Variants in TMC3 observed in about 807,000 individuals in gnomAD.
TMC3 encodes transmembrane channel like 3, also known as transmembrane channel-like protein 3.
A neutral mutation model predicts 110.6 loss-of-function variants in TMC3; 98 were observed. The observed-to-expected ratio is 0.89, with a 90% CI of 0.75 to 1.05. The LOEUF is 1.05. TMC3 is among the 50% of genes least tolerant of loss of function. The probability of loss-of-function intolerance (pLI) is 0.00; values close to 1 mark genes in which losing one functional copy is unlikely to be tolerated. For synonymous variants in TMC3, 489 were observed against 513.1 expected (o/e 0.95, Z 0.63); for missense variants, 1,319 against 1,373.2 (o/e 0.96, Z 0.62).
chr15:81,357,911 T>C lies in TMC3; in HGVS notation c.743+238A>G, dbSNP rs1894100240. 2.0e-5 allele frequency among the ~76,000 whole-genome samples: 3 copies of C among 152,210 alleles called. No homozygotes were observed. In the South Asian group the frequency reaches 6.2e-4, roughly 31 times the overall value. On this transcript the variant is annotated intron_variant, in intron 7 of 21. Coordinates refer to ENST00000359440, the MANE Select transcript of TMC3 (RefSeq NM_001080532.3). Reference sequence around the variant, plus strand: ...AGTGTTCAATAAGTACTTGTTAAAATGAACATGCCTCTTTTAGCCTTGGTT... The same window carrying C: ...AGTGTTCAATAAGTACTTGTTAAAACGAACATGCCTCTTTTAGCCTTGGTT...
chr15:81,344,027 T>C lies in TMC3; in HGVS notation c.1537A>G (p.Ile513Val), dbSNP rs767128735. Residue 513 changes from isoleucine to valine, a missense_variant, in exon 14 of 22, where the codon ATC (isoleucine) becomes GTC (valine). Physicochemically the swap from Ile to Val is conservative, Grantham distance 29. Coordinates refer to ENST00000359440, the MANE Select transcript of TMC3 (RefSeq NM_001080532.3). Reference sequence around the variant, plus strand: ...GCCACGGTGAAGAGCATGTCAATGATGGAGAGCTTCAGCATCTCCTGAAAC... The same window carrying C: ...GCCACGGTGAAGAGCATGTCAATGACGGAGAGCTTCAGCATCTCCTGAAAC... ...YVGQEMLKLS[I>V]IDMLFTVASI... The C allele has an allele frequency of 1.2e-5, 20 of 1,611,088 alleles. No individual in the cohort carries two copies. Among genetic ancestry groups the C allele is most frequent in the Admixed American group, 1.7e-5 (1 of 59,962 alleles).
chr15:81,351,689 G>A lies in TMC3; in HGVS notation c.1083+5C>T. The A allele has an allele frequency of 6.4e-7, 1 of 1,552,624 alleles. No homozygotes were observed. Among genetic ancestry groups the A allele is most frequent in the Non-Finnish European group, 8.7e-7 (1 of 1,147,440 alleles). ...TAGGGTGCTGCAGGTAATGGCAGTG[G>A]GTACCTCATTCTTTTCCCAAAGTGT... is the stretch of plus-strand genomic sequence containing the variant. On this transcript the variant is annotated splice_donor_5th_base_variant and intron_variant, in intron 10 of 21. Transcript: ENST00000359440.
At position 81,336,530 on chromosome 15, in the gene TMC3, T is replaced by C. The variant is rs139364886; in HGVS notation, c.2203+79A>G. The stretch of plus-strand genomic sequence containing the variant: ...TTGCAGTGAGCCGAGATCACACCAC[T>C]GCACTCCAGCCTGGGCGACAGAGCA... On this transcript the variant is annotated intron_variant, in intron 20 of 21. Coordinates refer to ENST00000359440, the MANE Select transcript of TMC3 (RefSeq NM_001080532.3). 6,677 of 1,391,124 alleles carry C rather than the reference T, an allele frequency of 4.8e-3. 230 individuals are homozygous for C. The African/African-American group carries it at 0.076, about 16-fold the overall frequency. 86.2% of individuals were successfully genotyped at this position (1,391,124 alleles called of 1,614,324 possible).
In TMC3 at chr15:81,338,700, T is replaced by G; in HGVS notation, c.2036A>C (p.His679Pro). ...CAGGATGACCACGGGGCTACTGATGTGTCCAACCACGGAGCCAAACCACAC... is the reference window on the plus strand; with the variant it reads ...CAGGATGACCACGGGGCTACTGATGGGTCCAACCACGGAGCCAAACCACAC... ...FPVWFGSVVGHISSPVVILPA... is the reference protein window; with the variant it reads ...FPVWFGSVVGPISSPVVILPA... The change falls in exon 18 of 22, where the codon CAC becomes CCC. Residue 679 changes from histidine (H) to proline (P), a missense_variant. Transcript: ENST00000359440. 2 of 1,614,058 alleles carry G rather than the reference T, an allele frequency of 1.2e-6. No homozygotes were observed. The highest frequency in any genetic ancestry group is 1.1e-5 in the South Asian group (1 of 91,088).
Position 81,349,539 on chromosome 15 carries a change from A to T in TMC3, c.1112T>A (p.Met371Lys). 6.4e-7 allele frequency: 1 copy of T among 1,556,334 alleles called. No homozygotes were observed. The highest frequency in any genetic ancestry group is 8.7e-7 in the Non-Finnish European group (1 of 1,149,982). The change falls in exon 11 of 22, where the codon ATG becomes AAG. Residue 371 changes from methionine to lysine, a missense_variant. Physicochemically the swap from Met to Lys is moderately conservative, Grantham distance 95. Transcript: ENST00000359440. ...GAGGTCAAAGGCTGATGGTGCTATC[A>T]TGGTGACGAGGGAGACCACCACACT... is the stretch of plus-strand genomic sequence containing the variant. ...EVSVVVSLVT[M>K]IAPSAFDLIA...
At chr15:81,362,629 C>A (rs1191370036) in intron 3 of TMC3, among the ~76,000 whole-genome samples, 4 of 152,156 alleles carry the variant, frequency 2.6e-5, no homozygotes, top group Non-Finnish European at 5.9e-5. Context: ...CCATCCCATT[C>A]CTGATGAGGG....
In TMC3 at chr15:81,333,140, T is replaced by C; in HGVS notation, c.2582A>G (p.Gln861Arg). Reference sequence around the variant, plus strand: ...TCCACGGTGAGGAGGGTTGATTTGCTGAAAGTCTTTTCGGAAAAGAGGTTC... The same window carrying C: ...TCCACGGTGAGGAGGGTTGATTTGCCGAAAGTCTTTTCGGAAAAGAGGTTC... ...HSEPLFRKDF[Q>R]QINPPHRGPQ... The change falls in exon 22 of 22, where the codon CAG becomes CGG. Residue 861 changes from glutamine (Q) to arginine (R), a missense_variant. Gln to Arg is a conservative substitution (Grantham distance 43). Transcript: ENST00000359440. The C allele has an allele frequency of 6.2e-7, 1 of 1,614,076 alleles. No individual in the cohort carries two copies. The highest frequency in any genetic ancestry group is 8.5e-7 in the Non-Finnish European group (1 of 1,179,900).
intron 3 of TMC3, among the ~76,000 whole-genome samples, chr15:81,362,658 G>GA (rs941592882): frequency 5.3e-5 from 8 of 151,242 alleles, no homozygotes; most frequent in East Asian, 1.9e-4. Context: ...TGCTCTTTGA[G>GA]AAAAAAAAAT....
chr15:81,334,979 C>T lies in TMC3; in HGVS notation c.2204-4G>A, dbSNP rs1479759345. ...TCTTCCTGGGTCTGGATTCGGGCTG[C>T]AGGGAGAGGGAGGTGTTGTGAGAAG... is the stretch of plus-strand genomic sequence containing the variant. On this transcript the variant is annotated splice_polypyrimidine_tract_variant and splice_region_variant and intron_variant, in intron 20 of 21. Coordinates refer to ENST00000359440, the MANE Select transcript of TMC3 (RefSeq NM_001080532.3). The T allele has an allele frequency of 5.6e-6, 9 of 1,612,824 alleles. No individual in the cohort carries two copies. In the African/African-American group the frequency reaches 1.2e-4, roughly 22 times the overall value.
Position 81,374,048 on chromosome 15 carries a change from A to G in TMC3, c.30T>C (p.Tyr10=), listed in dbSNP as rs368415108. 12 of 1,613,712 alleles carry G rather than the reference A, an allele frequency of 7.4e-6. No individual in the cohort carries two copies. Among genetic ancestry groups the G allele is most frequent in the African/African-American group, 5.3e-5 (4 of 74,898 alleles). The change falls in exon 1 of 22, where the codon TAT becomes TAC. Residue 10 remains tyrosine, a synonymous_variant. Transcript: ENST00000359440. MKTSKASQR[Y]RGIRRNASQC... ...GGCTGGCATTTCTCCGGATGCCTCTATAGCGCTGGGATGCCTTCGAGGTTT... is the reference window on the plus strand; with the variant it reads ...GGCTGGCATTTCTCCGGATGCCTCTGTAGCGCTGGGATGCCTTCGAGGTTT...
At chr15:81,346,299 G>T in intron 12 of TMC3, 66 bp downstream of exon 12, 1 of 1,361,286 alleles carries the variant, frequency 7.3e-7, no homozygotes, top group Non-Finnish European at 1.0e-6. Context: ...TGATGACCCT[G>T]GTGTTGGGAG....
rs947690581 is a variant in TMC3, at chr15:81,332,157, T to C, written c.*262A>G. The C allele has an allele frequency of 2.4e-6, 1 of 408,924 alleles. No homozygotes were observed. Among genetic ancestry groups the C allele is most frequent in the African/African-American group, 2.0e-5 (1 of 49,268 alleles). The allele number at this position is 408,924 out of a possible 1,614,324, so 25.3% of individuals were successfully genotyped here. On this transcript the variant is annotated 3_prime_UTR_variant, in exon 22 of 22. Transcript: ENST00000359440. ...TTCTTTCTTCCGAGGAGGCAAGTAT[T>C]GAGATTGCTGCAGACCCGTGATGAT...
chr15:81,333,040 G>A lies in TMC3; in HGVS notation c.2682C>T (p.Asp894=), dbSNP rs1893506396. The A allele has an allele frequency of 6.8e-6, 11 of 1,613,698 alleles. No homozygotes were observed. The highest frequency in any genetic ancestry group is 9.3e-6 in the Non-Finnish European group (11 of 1,179,792). ...CATTTAGATGTTTTTTCTTGTAAGA[G>A]TCACATTCATTAATGACATAGTATC... The part of the protein sequence containing the change: ...APRYYVINEC[D]SYKKKHLNVW... The change falls in exon 22 of 22, where the codon GAC becomes GAT. Residue 894 remains aspartate, a synonymous_variant. Coordinates refer to ENST00000359440, the MANE Select transcript of TMC3 (RefSeq NM_001080532.3).
chr15:81,367,166 T>C (rs918596640), intron 3 of TMC3, among the ~76,000 whole-genome samples: 8 of 152,114 alleles, frequency 5.3e-5, no homozygotes, highest in African/African-American at 1.9e-4. Context: ...TTAATAATAA[T>C]GAAAAATTGG....
At chr15:81,370,011 C>T (rs1030076795) in intron 2 of TMC3, among the ~76,000 whole-genome samples, 1 of 152,124 alleles carries the variant, frequency 6.6e-6, no homozygotes, top group African/African-American at 2.4e-5. Flanking sequence ...CCTTTAAAGA[C>T]AATGACTGAG....
At chr15:81,370,768 G>A (rs1452630159) in intron 2 of TMC3, among the ~76,000 whole-genome samples, 2 of 149,842 alleles carry the variant, frequency 1.3e-5, no homozygotes, top group South Asian at 2.1e-4. Flanking sequence ...TCTTCCTCCC[G>A]GGTTCAAGCA....
Position 81,344,756 on chromosome 15 carries a change from A to G in TMC3, c.1518+10T>C, listed in dbSNP as rs1445757242. On this transcript the variant is annotated intron_variant, in intron 13 of 21. Transcript: ENST00000359440. ...ATATGACAGAGCTTTGTAAGGGTAAAGAGAACCACCTGACCAACGTATGTC... is the reference window on the plus strand; with the variant it reads ...ATATGACAGAGCTTTGTAAGGGTAAGGAGAACCACCTGACCAACGTATGTC... 1 of 1,613,082 alleles carries G rather than the reference A, an allele frequency of 6.2e-7. No individual in the cohort carries two copies. The highest frequency in any genetic ancestry group is 8.5e-7 in the Non-Finnish European group (1 of 1,179,726).
chr15:81,365,972 T>C (rs79000029), intron 3 of TMC3, among the ~76,000 whole-genome samples: 2,284 of 152,300 alleles, frequency 0.015, 28 homozygotes, highest in Middle Eastern at 0.024. Context: ...CATGCACATA[T>C]CATTATACAT....
chr15:81,339,437 C>G lies in TMC3; in HGVS notation c.1912G>C (p.Ala638Pro). ...LFLCMLPTIF[A>P]IVRYKPSLNC... Reference sequence around the variant, plus strand: ...AGAGATGGCTTGTATCGGACAATAGCAAAAATGGTTGGCAGCATGCACAGA... The same window carrying G: ...AGAGATGGCTTGTATCGGACAATAGGAAAAATGGTTGGCAGCATGCACAGA... The change falls in exon 17 of 22, where the codon GCT becomes CCT. Residue 638 changes from alanine (A) to proline (P), a missense_variant. Physicochemically the swap from Ala to Pro is conservative, Grantham distance 27 (BLOSUM62 -1). Transcript: ENST00000359440. 1 of 1,611,314 alleles carries G rather than the reference C, an allele frequency of 6.2e-7. No homozygotes were observed. Among genetic ancestry groups the G allele is most frequent in the Non-Finnish European group, 8.5e-7 (1 of 1,178,768 alleles).
Sources: allele counts gnomAD v4.1 joint callset (sites outside exome capture counted in the v4.1 genomes callset), GRCh38; gene constraint gnomAD v4.1.1; transcripts MANE v1.5; gene names NCBI Gene and HGNC (gene_info 2026-07-23, HGNC 2026-07-21).